The following SUMF1 variants were observed in gnomAD, a reference collection of about 807,000 sequenced individuals.
The protein encoded by SUMF1 is sulfatase modifying factor 1, also known as formylglycine-generating enzyme.
A neutral mutation model predicts 47.6 loss-of-function variants in SUMF1; 48 were observed. That is an observed-to-expected ratio of 1.01 (90% CI 0.80 to 1.28). SUMF1 has a LOEUF of 1.28. SUMF1 is among the 50% of genes most tolerant of loss of function. The pLI is 0.00. For missense variants in SUMF1, 571 were observed against 485.4 expected, an observed-to-expected ratio of 1.18 and a Z score of -1.66; for synonymous variants, 230 against 192.1, an observed-to-expected ratio of 1.20 and a Z score of -1.63.
Position 4,374,013 on chromosome 3 carries a change from AG to A in SUMF1, c.1014+2316del, listed in dbSNP as rs568022598. ...TGCTGATAAAAAACTCTAAAAAATT[AG>A]CAATGGAAAAAAACTTTCTCAAGCT... On this transcript the variant is annotated intron_variant, in intron 8 of 8. Coordinates refer to ENST00000272902, the MANE Select transcript of SUMF1 (RefSeq NM_182760.4). Among the ~76,000 whole-genome samples the A allele has an allele frequency of 4.3e-4, 65 of 152,300 alleles. 1 individual carries two copies. The highest frequency in any genetic ancestry group is 1.5e-3 in the African/African-American group (64 of 41,584).
At chr3:4,234,109 G>C (rs553895592) in intron 8 of SUMF1, among the ~76,000 whole-genome samples, 1 of 152,184 alleles carries the variant, frequency 6.6e-6, no homozygotes, top group South Asian at 2.1e-4. Flanking sequence ...TTGTACGGGT[G>C]TTTAATTTAC....
intron 8 of SUMF1, among the ~76,000 whole-genome samples, chr3:4,292,624 A>G (rs1697762436): frequency 6.6e-6 from 1 of 152,214 alleles, no homozygotes; most frequent in Non-Finnish European, 1.5e-5. Context: ...TTGAAAGCCA[A>G]AGCTAGAGCA....
chr3:4,280,423 G>C (rs901002472), intron 8 of SUMF1, among the ~76,000 whole-genome samples: 3 of 151,940 alleles, frequency 2.0e-5, no homozygotes, highest in African/African-American at 7.3e-5. Flanking sequence ...AGTAGCTCAC[G>C]GTCTAGAGGT....
intron 8 of SUMF1, among the ~76,000 whole-genome samples, chr3:4,333,899 G>T (rs532965121): frequency 6.6e-6 from 1 of 151,904 alleles, no homozygotes; most frequent in Admixed American, 6.6e-5. Flanking sequence ...AGGCTGGGGT[G>T]GGGGGACTGC....
At chr3:4,059,788 TC>T (rs1695247455) in intron 9 of SUMF1, among the ~76,000 whole-genome samples, 1 of 141,166 alleles carries the variant, frequency 7.1e-6, no homozygotes, top group African/African-American at 2.6e-5. Flanking sequence ...TTAAAAGGTG[TC>T]CCTGTGGAAA....
chr3:4,386,204 T>A (rs560952457), intron 7 of SUMF1, among the ~76,000 whole-genome samples: 2 of 152,254 alleles, frequency 1.3e-5, no homozygotes, highest in South Asian at 4.1e-4. Flanking sequence ...ATTAAACAAT[T>A]GGGGGAAGAA....
At chr3:4,128,060 G>C (rs539857305) in intron 8 of SUMF1, among the ~76,000 whole-genome samples, 5 of 152,234 alleles carry the variant, frequency 3.3e-5, no homozygotes, top group African/African-American at 9.6e-5. Flanking sequence ...AAGTTCAGTG[G>C]ACAAAGTGAT....
intron 8 of SUMF1, among the ~76,000 whole-genome samples, chr3:4,190,500 G>A (rs1245658384): frequency 2.1e-5 from 3 of 143,266 alleles, no homozygotes; most frequent in African/African-American, 6.0e-5. Context: ...GCAAGACTGA[G>A]GAATGCATTA....
chr3:4,168,196 C>G (rs1241355232), intron 8 of SUMF1, among the ~76,000 whole-genome samples: 1 of 152,066 alleles, frequency 6.6e-6, no homozygotes, highest in African/African-American at 2.4e-5. Flanking sequence ...TGATCACAAC[C>G]CCCATGTGGT....
chr3:4,246,997 T>C (rs758248851), intron 8 of SUMF1, among the ~76,000 whole-genome samples: 2 of 152,216 alleles, frequency 1.3e-5, no homozygotes, highest in African/African-American at 2.4e-5. Context: ...TTTAAGTATA[T>C]ATCCTGTACA....
chr3:4,226,747 G>A (rs1416793346), intron 8 of SUMF1, among the ~76,000 whole-genome samples: 1 of 151,940 alleles, frequency 6.6e-6, no homozygotes, highest in Admixed American at 6.6e-5. Flanking sequence ...AGACAACCTG[G>A]CTCAAGTGCT....
intron 8 of SUMF1, among the ~76,000 whole-genome samples, chr3:4,138,529 A>G (rs941092980): frequency 6.6e-6 from 1 of 152,122 alleles, no homozygotes; most frequent in Non-Finnish European, 1.5e-5. Flanking sequence ...CCACATGGAC[A>G]GTATGTGATA....
At chr3:4,221,961 A>G (rs1052367331) in intron 8 of SUMF1, among the ~76,000 whole-genome samples, 6 of 151,730 alleles carry the variant, frequency 4.0e-5, no homozygotes, top group Admixed American at 2.6e-4. Context: ...TTTTGCAAGC[A>G]CTACACTTTT....
chr3:4,273,761 G>GGGCATGGGAA (rs1697354124), intron 8 of SUMF1, among the ~76,000 whole-genome samples: 1 of 55,422 alleles, frequency 1.8e-5, no homozygotes, highest in Non-Finnish European at 3.4e-5. Flanking sequence ...GGATACGGGA[G>GGGCATGGGAA]GGGAGGATAC....
At chr3:4,197,473 G>A (rs1460784669) in intron 8 of SUMF1, among the ~76,000 whole-genome samples, 2 of 152,046 alleles carry the variant, frequency 1.3e-5, no homozygotes. Flanking sequence ...AGATGAGAGG[G>A]CATGACAGAC....
chr3:4,269,959 G>T (rs1459357443), intron 8 of SUMF1, among the ~76,000 whole-genome samples: 1 of 152,154 alleles, frequency 6.6e-6, no homozygotes, highest in African/African-American at 2.4e-5. Context: ...ATGAAGTAAT[G>T]ATACCATGTA....
chr3:4,135,528 G>A (rs150966648), intron 8 of SUMF1, among the ~76,000 whole-genome samples: 4,663 of 152,134 alleles, frequency 0.031, 264 homozygotes, highest in African/African-American at 0.11. Context: ...TACTGAATGA[G>A]CAAAAACTGG....
intron 8 of SUMF1, among the ~76,000 whole-genome samples, chr3:4,197,897 C>T (rs940043649): frequency 3.9e-5 from 6 of 152,176 alleles, no homozygotes; most frequent in African/African-American, 1.4e-4. Flanking sequence ...GGAATCAAAG[C>T]AGCATATGGC....
At chr3:4,335,746 C>A (rs1436947913) in intron 8 of SUMF1, among the ~76,000 whole-genome samples, 1 of 151,922 alleles carries the variant, frequency 6.6e-6, no homozygotes, top group Non-Finnish European at 1.5e-5. Flanking sequence ...AGTACAAGAC[C>A]AGCCTGGCCA....
Sources: allele counts gnomAD v4.1 joint callset (sites outside exome capture counted in the v4.1 genomes callset), GRCh38; gene constraint gnomAD v4.1.1; transcripts MANE v1.5; gene names NCBI Gene and HGNC (gene_info 2026-07-23, HGNC 2026-07-21).